MYO5B: variants seen among roughly 807,000 people sequenced by gnomAD.
MYO5B encodes the protein myosin VB.
MYO5B carries 143 observed loss-of-function variants against 229.3 expected under a neutral mutation model. That is an observed-to-expected ratio of 0.62 (90% CI 0.54 to 0.72). MYO5B has a LOEUF of 0.72. Among genes scored for constraint, MYO5B ranks in the 30% least tolerant of loss-of-function variants. The pLI, the probability that MYO5B is intolerant of heterozygous loss-of-function variation, is 0.00. For missense variants in MYO5B, 2,321 were observed against 2,331.0 expected (o/e 1.00, Z 0.09); for synonymous variants, 918 against 885.2 (o/e 1.04, Z -0.66).
At chr18:49,994,229 C>T (rs911934642) in intron 5 of MYO5B, among the ~76,000 whole-genome samples, 4 of 152,190 alleles carry the variant, frequency 2.6e-5, no homozygotes, top group Non-Finnish European at 5.9e-5. Flanking sequence ...GGTTAACCCT[C>T]TGTGTTCATG....
intron 4 of MYO5B, among the ~76,000 whole-genome samples, chr18:50,028,057 T>C (rs1274769993): frequency 2.0e-5 from 3 of 152,176 alleles, no homozygotes; most frequent in African/African-American, 4.8e-5. Context: ...AAGAAAACTT[T>C]CAGGATTAAG....
chr18:49,829,018 G>GA, intron 39 of MYO5B, among the ~76,000 whole-genome samples: 1 of 149,646 alleles, frequency 6.7e-6, no homozygotes, highest in East Asian at 1.9e-4. Context: ...AAATTAGATG[G>GA]AAAAAATAGA....
chr18:49,872,119 C>T (rs1458935237), intron 27 of MYO5B, 48 bp downstream of exon 27: 2 of 1,577,404 alleles, frequency 1.3e-6, no homozygotes, highest in African/African-American at 2.7e-5. Context: ...TGTCATCTGC[C>T]CTCTGCCAGG....
At chr18:50,134,272 G>A (rs968906921) in intron 1 of MYO5B, among the ~76,000 whole-genome samples, 9 of 152,044 alleles carry the variant, frequency 5.9e-5, no homozygotes, top group African/African-American at 1.2e-4. Flanking sequence ...AAATAGCCGC[G>A]TGGCAGGGCT....
rs12969222 is a variant in MYO5B, at chr18:50,001,447, T to C, written c.456-36A>G. ...AAAAGCTCTGATAAGTCATTGGCCA[T>C]GGAAAGGCTCTGCTACCGTCCAGGG... On this transcript the variant is annotated intron_variant, in intron 4 of 39. Transcript: ENST00000285039. 1.9e-5 allele frequency: 31 copies of C among 1,612,590 alleles called. No individual in the cohort carries two copies. In the African/African-American group the frequency reaches 3.1e-4, roughly 16 times the overall value.
Position 50,037,004 on chromosome 18 carries a change from G to C in MYO5B, c.311-10C>G. Reference sequence around the variant, plus strand: ...GCAACAAGTACGATACCTGCAAACAGACAAGGTGGTCAGATTCCGACAGCA... The same window carrying C: ...GCAACAAGTACGATACCTGCAAACACACAAGGTGGTCAGATTCCGACAGCA... On this transcript the variant is annotated splice_polypyrimidine_tract_variant and intron_variant, in intron 3 of 39. Transcript: ENST00000285039. 1 of 1,614,092 alleles carries C rather than the reference G, an allele frequency of 6.2e-7. No individual in the cohort carries two copies. The highest frequency in any genetic ancestry group is 8.5e-7 in the Non-Finnish European group (1 of 1,179,988).
rs559699944 is a variant in MYO5B, at chr18:49,981,550, T to G, written c.947-997A>C. Among the ~76,000 whole-genome samples, 7 of 152,368 alleles carry G rather than the reference T, an allele frequency of 4.6e-5. No homozygotes were observed. The South Asian group carries it at 1.5e-3, about 32-fold the overall frequency. Reference sequence around the variant, plus strand: ...TGTAAGCATCATAGATTTACTTTTTTGATTTTATTATGTAAAATTTCAAAA... The same window carrying G: ...TGTAAGCATCATAGATTTACTTTTTGGATTTTATTATGTAAAATTTCAAAA... On this transcript the variant is annotated intron_variant, in intron 8 of 39. Transcript: ENST00000285039.
At chr18:50,141,206 A>T (rs1040013000) in intron 1 of MYO5B, among the ~76,000 whole-genome samples, 1 of 152,220 alleles carries the variant, frequency 6.6e-6, no homozygotes, top group Non-Finnish European at 1.5e-5. Context: ...CCCATGTGCC[A>T]TGTCTGTTTA....
At chr18:49,839,462 T>A (rs566708849) in intron 35 of MYO5B, 168 bp from the exon 36 acceptor site, 1 of 714,790 alleles carries the variant, frequency 1.4e-6, no homozygotes, top group South Asian at 1.5e-5. Flanking sequence ...TGAGGCCTCA[T>A]TGATGACCCT....
At chr18:50,011,485 C>T (rs1025562866) in intron 4 of MYO5B, among the ~76,000 whole-genome samples, 10 of 152,292 alleles carry the variant, frequency 6.6e-5, no homozygotes, top group South Asian at 4.1e-4. Flanking sequence ...CAACTACACG[C>T]GGAAGGTGCA....
chr18:49,997,369 C>CTTTTTTTTTTTTTTTTTTTTTTTTT (rs34011258), intron 5 of MYO5B, among the ~76,000 whole-genome samples: 7 of 60,354 alleles, frequency 1.2e-4, no homozygotes, highest in African/African-American at 4.3e-4. Context: ...TCCTTTCTTT[C>CTTTTTTTTTTTTTTTTTTTTTTTTT]TTTTTTTTTT....
At chr18:50,043,632 A>G (rs2030133109) in intron 2 of MYO5B, among the ~76,000 whole-genome samples, 2 of 136,318 alleles carry the variant, frequency 1.5e-5, no homozygotes, top group Non-Finnish European at 3.1e-5. Flanking sequence ...ATATATAAAT[A>G]TATTAAATAT....
chr18:50,005,513 C>T (rs1287564961), intron 4 of MYO5B, among the ~76,000 whole-genome samples: 3 of 152,210 alleles, frequency 2.0e-5, no homozygotes, highest in Non-Finnish European at 4.4e-5. Context: ...TGGGCTCAGG[C>T]GATCCCCCAA....
At chr18:49,949,556 G>A (rs769011885) in intron 14 of MYO5B, among the ~76,000 whole-genome samples, 6 of 152,116 alleles carry the variant, frequency 3.9e-5, no homozygotes, top group Non-Finnish European at 8.8e-5. Flanking sequence ...CGTAGTGGGA[G>A]TTCTTCGAAC....
In MYO5B at chr18:49,875,704, C is replaced by T. The variant is rs750133529; in HGVS notation, c.3520G>A (p.Asp1174Asn). 16 of 1,614,030 alleles carry T rather than the reference C, an allele frequency of 9.9e-6. No individual in the cohort carries two copies. The highest frequency in any genetic ancestry group is 1.3e-5 in the African/African-American group (1 of 74,912). Residue 1174 changes from aspartate to asparagine, a missense_variant, in exon 26 of 40, where the codon GAC (aspartate) becomes AAC (asparagine). Asp to Asn is a conservative substitution (Grantham distance 23). Coordinates refer to ENST00000285039, the MANE Select transcript of MYO5B (RefSeq NM_001080467.3). ...TCACGTACCTGGACTTTCTTGCTGT[C>T]CTGCTGTTCTCTCTTCTCCAGCTGC... Reference protein sequence around the residue: ...QVQLEKREQQDSKKVQAEPPQ... With the variant: ...QVQLEKREQQNSKKVQAEPPQ...
chr18:50,140,701 G>T (rs979764591), intron 1 of MYO5B, among the ~76,000 whole-genome samples: 1 of 152,114 alleles, frequency 6.6e-6, no homozygotes, highest in African/African-American at 2.4e-5. Context: ...AAGTAGAAGG[G>T]GGTGCAAACC....
chr18:49,869,117 A>G (rs2024429436), intron 27 of MYO5B, among the ~76,000 whole-genome samples: 1 of 152,126 alleles, frequency 6.6e-6, no homozygotes, highest in Non-Finnish European at 1.5e-5. Flanking sequence ...TAGTGCTTTG[A>G]CTTACCTGCT....
intron 1 of MYO5B, among the ~76,000 whole-genome samples, chr18:50,142,667 A>G (rs1032559135): frequency 6.6e-6 from 1 of 152,228 alleles, no homozygotes; most frequent in Non-Finnish European, 1.5e-5. Context: ...TGGGCACCAA[A>G]GTTCCCCAGT....
chr18:49,847,027 A>C, intron 33 of MYO5B, 119 bp downstream of exon 33: 1 of 1,253,336 alleles, frequency 8.0e-7, no homozygotes, highest in Non-Finnish European at 1.1e-6. Flanking sequence ...AGTAGGAGAC[A>C]GAGGGTGGGG....
Sources: gnomAD v4.1 joint callset for allele counts (sites outside exome capture counted in the v4.1 genomes callset) on GRCh38, gnomAD v4.1.1 for gene constraint, MANE v1.5 for transcripts, NCBI Gene and HGNC (gene_info 2026-07-23, HGNC 2026-07-21) for gene names.